Variants in SUSD6 observed in about 807,000 individuals in gnomAD.
SUSD6 encodes the protein sushi domain containing 6.
SUSD6 carries 16 observed loss-of-function variants against 28.4 expected under a neutral mutation model. That is an observed-to-expected ratio of 0.56 (90% CI 0.38 to 0.86). The LOEUF is 0.86. Among genes scored for constraint, SUSD6 ranks in the 40% least tolerant of loss-of-function variants. The pLI, the probability that SUSD6 is intolerant of heterozygous loss-of-function variation, is 0.00. For synonymous variants in SUSD6, 147 were observed against 159.6 expected (o/e 0.92, Z 0.59); for missense variants, 341 against 384.2 (o/e 0.89, Z 0.94).
intron 1 of SUSD6, among the ~76,000 whole-genome samples, chr14:69,637,107 T>A (rs1297455527): frequency 6.6e-6 from 1 of 152,134 alleles, no homozygotes; most frequent in Admixed American, 6.5e-5. Context: ...TTCCCAGGTC[T>A]CTTTTGCCTC....
At chr14:69,667,577 G>A (rs1431992090) in intron 2 of SUSD6, among the ~76,000 whole-genome samples, 1 of 151,518 alleles carries the variant, frequency 6.6e-6, no homozygotes, top group Non-Finnish European at 1.5e-5. Flanking sequence ...TAGAGACGGG[G>A]TTTCACCGTG....
chr14:69,646,233 T>A (rs1028999952), intron 1 of SUSD6, among the ~76,000 whole-genome samples: 1 of 152,200 alleles, frequency 6.6e-6, no homozygotes, highest in Non-Finnish European at 1.5e-5. Context: ...TCTCTGTCTC[T>A]CTCTTGACAT....
intron 1 of SUSD6, among the ~76,000 whole-genome samples, chr14:69,625,822 C>A (rs528102191): frequency 1.3e-5 from 2 of 152,208 alleles, no homozygotes; most frequent in African/African-American, 4.8e-5. Flanking sequence ...TCAGGTCTGG[C>A]CTTCTCTGTG....
intron 2 of SUSD6, among the ~76,000 whole-genome samples, chr14:69,680,219 C>T (rs1386676805): frequency 1.3e-5 from 2 of 152,180 alleles, no homozygotes; most frequent in African/African-American, 4.8e-5. Flanking sequence ...GCCCCTAACC[C>T]ACATGCCCCA....
At chr14:69,630,683 A>T (rs1272823928) in intron 1 of SUSD6, among the ~76,000 whole-genome samples, 2 of 151,762 alleles carry the variant, frequency 1.3e-5, no homozygotes, top group Non-Finnish European at 2.9e-5. Flanking sequence ...CATGGAAAAA[A>T]AAAAAGAAAA....
intron 2 of SUSD6, among the ~76,000 whole-genome samples, chr14:69,675,959 C>G (rs1477894034): frequency 6.6e-6 from 1 of 152,018 alleles, no homozygotes; most frequent in Non-Finnish European, 1.5e-5. Flanking sequence ...TTGTTTTTAA[C>G]GCTGACTTCC....
At chr14:69,672,143 A>G (rs1024712519) in intron 2 of SUSD6, among the ~76,000 whole-genome samples, 1 of 152,168 alleles carries the variant, frequency 6.6e-6, no homozygotes, top group Non-Finnish European at 1.5e-5. Context: ...CTGGCATTTA[A>G]TAGCCCCCCT....
chr14:69,622,874 G>A (rs1172563607), intron 1 of SUSD6, among the ~76,000 whole-genome samples: 7 of 152,218 alleles, frequency 4.6e-5, no homozygotes, highest in African/African-American at 7.2e-5. Flanking sequence ...GATTGCAGGC[G>A]TGAGCCACAG....
At chr14:69,668,241 G>C (rs575325946) in intron 2 of SUSD6, among the ~76,000 whole-genome samples, 1 of 152,356 alleles carries the variant, frequency 6.6e-6, no homozygotes, top group South Asian at 2.1e-4. Flanking sequence ...CAGGCAACCT[G>C]CCTAGAAGAG....
chr14:69,630,460 G>A (rs1054606555), intron 1 of SUSD6, among the ~76,000 whole-genome samples: 1 of 152,334 alleles, frequency 6.6e-6, no homozygotes, highest in Non-Finnish European at 1.5e-5. Flanking sequence ...TGAGCTTGGA[G>A]CCATCTTTCT....
At chr14:69,635,636 C>CAT (rs1435149050) in intron 1 of SUSD6, among the ~76,000 whole-genome samples, 120 of 140,032 alleles carry the variant, frequency 8.6e-4, no homozygotes, top group African/African-American at 3.1e-3. Context: ...CACACACACA[C>CAT]ACACACATTT....
At chr14:69,640,295 T>TG (rs1262375021) in intron 1 of SUSD6, among the ~76,000 whole-genome samples, 1 of 151,786 alleles carries the variant, frequency 6.6e-6, no homozygotes, top group African/African-American at 2.4e-5. Flanking sequence ...TCTTCCATTC[T>TG]GAAAAAAATT....
At chr14:69,687,719 C>A (rs928565711) in intron 2 of SUSD6, among the ~76,000 whole-genome samples, 2 of 152,206 alleles carry the variant, frequency 1.3e-5, no homozygotes, top group African/African-American at 2.4e-5. Context: ...TTGTGGGCTT[C>A]TCCCATGCCT....
At chr14:69,664,231 C>T (rs1423106986) in intron 2 of SUSD6, among the ~76,000 whole-genome samples, 4 of 152,236 alleles carry the variant, frequency 2.6e-5, no homozygotes, top group Admixed American at 6.5e-5. Flanking sequence ...CCTTCCACCT[C>T]GGCCTCCCAG....
At chr14:69,691,769 G>T (rs1226074680) in intron 2 of SUSD6, among the ~76,000 whole-genome samples, 1 of 152,140 alleles carries the variant, frequency 6.6e-6, no homozygotes, top group African/African-American at 2.4e-5. Flanking sequence ...GCCAGGCTTG[G>T]TGGCTCACGC....
chr14:69,697,578 A>G (rs1886244643), intron 2 of SUSD6, among the ~76,000 whole-genome samples: 1 of 152,196 alleles, frequency 6.6e-6, no homozygotes, highest in African/African-American at 2.4e-5. Flanking sequence ...ATTAAGATTA[A>G]TTTCACCTGT....
chr14:69,659,304 A>T (rs115871929), intron 2 of SUSD6, among the ~76,000 whole-genome samples: 14 of 152,280 alleles, frequency 9.2e-5, no homozygotes, highest in African/African-American at 3.4e-4. Flanking sequence ...TGACACTACA[A>T]ATGTTGTGAT....
At chr14:69,709,258 A>T (rs1886429686) in intron 5 of SUSD6, among the ~76,000 whole-genome samples, 154 bp downstream of exon 5, 1 of 152,216 alleles carries the variant, frequency 6.6e-6, no homozygotes, top group Admixed American at 6.5e-5. Context: ...TTTCACCCTC[A>T]GAGTACTGAG....
chr14:69,671,892 T>C (rs1388927804), intron 2 of SUSD6, among the ~76,000 whole-genome samples: 1 of 152,240 alleles, frequency 6.6e-6, no homozygotes, highest in East Asian at 1.9e-4. Context: ...CTCCTCTCTC[T>C]GGCATTCAGA....
Sources: allele counts gnomAD v4.1 joint callset (sites outside exome capture counted in the v4.1 genomes callset), GRCh38; gene constraint gnomAD v4.1.1; transcripts MANE v1.5; gene names NCBI Gene and HGNC (gene_info 2026-07-23, HGNC 2026-07-21).